Variants in STIM2 observed in about 807,000 individuals in gnomAD.
STIM2 encodes the protein stromal interaction molecule 2.
A neutral mutation model predicts 85.8 loss-of-function variants in STIM2; 31 were observed. The observed-to-expected ratio is 0.36, with a 90% CI of 0.27 to 0.49. The LOEUF (loss-of-function observed/expected upper bound fraction) is 0.49, where lower values mean the gene tolerates loss of function less well. STIM2 is among the 20% of genes least tolerant of loss of function. The pLI is 0.98. For synonymous variants in STIM2, 356 were observed against 331.1 expected (o/e 1.08, Z -0.82); for missense variants, 841 against 927.6 (o/e 0.91, Z 1.21).
Position 27,018,041 on chromosome 4 carries a change from G to A in STIM2, c.1763+57G>A, listed in dbSNP as rs1728795344. On this transcript the variant is annotated intron_variant, in intron 11 of 11. Coordinates refer to ENST00000467087, the MANE Select transcript of STIM2 (RefSeq NM_020860.4). ...TGGGGCTGGGTTGGGGGTAAGGTGTGAGGAGGGGGCGGGAGGAGTGGTGCA... is the reference window on the plus strand; with the variant it reads ...TGGGGCTGGGTTGGGGGTAAGGTGTAAGGAGGGGGCGGGAGGAGTGGTGCA... 16 of 1,589,494 alleles carry A rather than the reference G, an allele frequency of 1.0e-5. No homozygotes were observed. In the East Asian group the frequency reaches 3.6e-4, roughly 36 times the overall value.
chr4:27,021,136 C>G, intron 11 of STIM2: 3 of 1,376,770 alleles, frequency 2.2e-6, no homozygotes, highest in Non-Finnish European at 2.0e-6. Flanking sequence ...CCCACCCTTC[C>G]ATTCATTCAT....
At chr4:26,884,234 A>G (rs1385869542) in intron 1 of STIM2, among the ~76,000 whole-genome samples, 1 of 152,200 alleles carries the variant, frequency 6.6e-6, no homozygotes, top group East Asian at 1.9e-4. Flanking sequence ...GGTGAAAAAA[A>G]TGAAATAACA....
intron 1 of STIM2, among the ~76,000 whole-genome samples, chr4:26,906,125 G>A (rs1352411286): frequency 2.0e-5 from 3 of 152,116 alleles, no homozygotes; most frequent in Non-Finnish European, 4.4e-5. Context: ...GTCATTTGCA[G>A]CAACATGGAT....
Position 27,008,785 on chromosome 4 carries a change from A to G in STIM2, c.1272A>G (p.Thr424=). 6.2e-7 allele frequency: 1 copy of G among 1,614,136 alleles called. No homozygotes were observed. The highest frequency in any genetic ancestry group is 1.1e-5 in the South Asian group (1 of 91,074). ...CCAGGAAAGCTCTCTCTGAGTTGACAACTTGTTTACGAGAACGACTTTTTC... is the reference window on the plus strand; with the variant it reads ...CCAGGAAAGCTCTCTCTGAGTTGACGACTTGTTTACGAGAACGACTTTTTC... Residue 424 remains threonine (T), a synonymous_variant, in exon 10 of 12, where the codon ACA becomes ACG. Coordinates refer to ENST00000467087, the MANE Select transcript of STIM2 (RefSeq NM_020860.4).
intron 1 of STIM2, among the ~76,000 whole-genome samples, chr4:26,868,274 A>G (rs973019797): frequency 6.6e-6 from 1 of 152,212 alleles, no homozygotes. Context: ...GTATCTGTCC[A>G]AGTGTTTCTT....
At chr4:26,880,329 G>T (rs1722958127) in intron 1 of STIM2, among the ~76,000 whole-genome samples, 1 of 151,814 alleles carries the variant, frequency 6.6e-6, no homozygotes, top group Non-Finnish European at 1.5e-5. Context: ...ACTTTTTTTG[G>T]TGACTTCCTA....
At chr4:26,988,971 G>A (rs761037912) in intron 3 of STIM2, among the ~76,000 whole-genome samples, 1 of 152,188 alleles carries the variant, frequency 6.6e-6, no homozygotes, top group Non-Finnish European at 1.5e-5. Flanking sequence ...GTCTCACTCT[G>A]TCTCCCAGGC....
At chr4:26,897,955 C>T (rs7655686) in intron 1 of STIM2, among the ~76,000 whole-genome samples, 26,854 of 151,970 alleles carry the variant, frequency 0.18, 2,589 homozygotes, top group East Asian at 0.41. Flanking sequence ...TTTGTAGAGA[C>T]GAGGTTTGCC....
At chr4:26,902,897 G>A (rs992900002) in intron 1 of STIM2, among the ~76,000 whole-genome samples, 3 of 152,098 alleles carry the variant, frequency 2.0e-5, no homozygotes, top group African/African-American at 4.8e-5. Context: ...ATAAAAGTTT[G>A]TGATAGTATG....
At chr4:26,967,865 A>G (rs1414017843) in intron 3 of STIM2, among the ~76,000 whole-genome samples, 3 of 152,122 alleles carry the variant, frequency 2.0e-5, no homozygotes, top group Non-Finnish European at 4.4e-5. Flanking sequence ...GAAAGATGAA[A>G]AGTGGCTAGT....
chr4:26,928,433 T>C (rs1725069922), intron 2 of STIM2, among the ~76,000 whole-genome samples: 1 of 152,246 alleles, frequency 6.6e-6, no homozygotes, highest in African/African-American at 2.4e-5. Flanking sequence ...AAGGAAGCTT[T>C]TGCAGATATT....
chr4:26,968,604 T>C (rs1055472573), intron 3 of STIM2, among the ~76,000 whole-genome samples: 1 of 152,162 alleles, frequency 6.6e-6, no homozygotes, highest in Admixed American at 6.5e-5. Context: ...TGGATTGTGA[T>C]GATGGTTGCA....
At chr4:27,003,223 A>G (rs1055587595) in intron 7 of STIM2, 119 bp downstream of exon 7, 2 of 929,836 alleles carry the variant, frequency 2.2e-6, no homozygotes, top group Non-Finnish European at 3.0e-6. Context: ...TCAGTTGATA[A>G]AAGACTCATT....
chr4:26,953,162 T>G (rs1726119458), intron 2 of STIM2, among the ~76,000 whole-genome samples: 1 of 152,108 alleles, frequency 6.6e-6, no homozygotes. Context: ...TCCATCCCTG[T>G]TATGTATTTT....
chr4:26,871,987 A>G (rs939076441), intron 1 of STIM2, among the ~76,000 whole-genome samples: 2 of 152,194 alleles, frequency 1.3e-5, no homozygotes, highest in African/African-American at 4.8e-5. Context: ...CCTTATCTCT[A>G]AAATGGGATG....
At chr4:26,900,998 T>A (rs576365511) in intron 1 of STIM2, among the ~76,000 whole-genome samples, 1 of 152,308 alleles carries the variant, frequency 6.6e-6, no homozygotes, top group Non-Finnish European at 1.5e-5. Context: ...TGCTGATCCT[T>A]GTCCCTTGGT....
rs75550496 is a variant in STIM2 at position 26,963,832 on chromosome 4, T to C, written c.397+6106T>C. Among the ~76,000 whole-genome samples the C allele has an allele frequency of 3.2e-3, 490 of 152,288 alleles. 2 individuals are homozygous for C. Among genetic ancestry groups the C allele is most frequent in the Non-Finnish European group, 5.9e-3 (399 of 68,004 alleles). On this transcript the variant is annotated intron_variant, in intron 3 of 11. Transcript: ENST00000467087. Reference sequence around the variant, plus strand: ...AATGAGTCCAGATGTAAATGCGAAATCCTTCAAATAAGCATAATTTACACA... The same window carrying C: ...AATGAGTCCAGATGTAAATGCGAAACCCTTCAAATAAGCATAATTTACACA...
Position 27,017,789 on chromosome 4 carries a change from C to T in STIM2, c.1568C>T (p.Ser523Leu). 1.2e-6 allele frequency: 2 copies of T among 1,614,134 alleles called. No individual in the cohort carries two copies. The highest frequency in any genetic ancestry group is 1.6e-4 in the Middle Eastern group (1 of 6,062). The change falls in exon 11 of 12, where the codon TCG (serine) becomes TTG (leucine). Residue 523 changes from serine (S) to leucine (L), a missense_variant. Around this residue, in one of 3 missense-constraint regions of STIM2, gnomAD observed 293 missense variants for 284.5 expected, o/e 1.03. Transcript: ENST00000467087. Reference sequence around the variant, plus strand: ...TCACGCCGCAGCATTGTGCCGTCCTCGCCTCAGCCTCAGCGAGCTCAGCTT... The same window carrying T: ...TCACGCCGCAGCATTGTGCCGTCCTTGCCTCAGCCTCAGCGAGCTCAGCTT...
Position 26,974,096 on chromosome 4 carries a change from C to T in STIM2, c.397+16370C>T, listed in dbSNP as rs185271254. ...GCTTTCCATTTGCTCAGTGGATCTTCCTCCATCCCTTTATTTTGAGCCTAT... is the reference window on the plus strand; with the variant it reads ...GCTTTCCATTTGCTCAGTGGATCTTTCTCCATCCCTTTATTTTGAGCCTAT... On this transcript the variant is annotated intron_variant, in intron 3 of 11. Transcript: ENST00000467087. Among the ~76,000 whole-genome samples, 90 of 152,210 alleles carry T rather than the reference C, an allele frequency of 5.9e-4. No individual in the cohort carries two copies. In the Middle Eastern group the frequency reaches 0.02, roughly 35 times the overall value.
Sources: allele counts gnomAD v4.1 joint callset (sites outside exome capture counted in the v4.1 genomes callset), GRCh38; gene constraint gnomAD v4.1.1; regional missense constraint gnomAD v4.1.1; transcripts MANE v1.5; gene names NCBI Gene and HGNC (gene_info 2026-07-23, HGNC 2026-07-21).